Variants in MOXD1 observed in about 807,000 individuals in gnomAD.
MOXD1 encodes monooxygenase DBH like 1, also known as DBH-like monooxygenase protein 1.
Under a neutral mutation model 66.6 loss-of-function variants are expected in MOXD1, and 62 were observed. The observed-to-expected ratio is 0.93, with a 90% CI of 0.76 to 1.15. The LOEUF (loss-of-function observed/expected upper bound fraction) is 1.15, where lower values mean the gene tolerates loss of function less well. Ranked by LOEUF, MOXD1 falls within the 50% of genes most tolerant of loss-of-function variation. The pLI, the probability that MOXD1 is intolerant of heterozygous loss-of-function variation, is 0.00. For synonymous variants in MOXD1, 303 were observed against 281.9 expected (o/e 1.07, Z -0.75); for missense variants, 847 against 754.6 (o/e 1.12, Z -1.44).
At chr6:132,297,727 C>G (rs560072181) in intron 11 of MOXD1, 60 bp downstream of exon 11, 2 of 1,502,156 alleles carry the variant, frequency 1.3e-6, no homozygotes, top group East Asian at 4.7e-5. Context: ...CTTAGGTTTT[C>G]CTGTAATAGA....
intron 1 of MOXD1, among the ~76,000 whole-genome samples, chr6:132,380,202 C>T (rs1776481251): frequency 6.6e-6 from 1 of 152,214 alleles, no homozygotes; most frequent in African/African-American, 2.4e-5. Context: ...CATACTCTGT[C>T]ATAGTCTTCC....
intron 4 of MOXD1, among the ~76,000 whole-genome samples, chr6:132,360,381 T>C (rs1332893886): frequency 6.6e-6 from 1 of 152,198 alleles, no homozygotes; most frequent in Admixed American, 6.5e-5. Flanking sequence ...GGACTGACAA[T>C]CCCCAAATTG....
chr6:132,400,901 T>C (rs1272280097), intron 1 of MOXD1, among the ~76,000 whole-genome samples: 3 of 151,604 alleles, frequency 2.0e-5, no homozygotes, highest in Admixed American at 2.0e-4. Context: ...GTCTATTAAG[T>C]GGGGCGCTGG....
In MOXD1 at chr6:132,387,666, A is replaced by G. The variant is rs1269487670; in HGVS notation, c.265-12889T>C. On this transcript the variant is annotated intron_variant, in intron 1 of 11. Transcript: ENST00000367963. Reference sequence around the variant, plus strand: ...CTACTCCGGAGGCTGAGGCAGGAGAATCATTTTAACCTGGGGAACGGAGGT... The same window carrying G: ...CTACTCCGGAGGCTGAGGCAGGAGAGTCATTTTAACCTGGGGAACGGAGGT... 1.3e-5 allele frequency among the ~76,000 whole-genome samples: 2 copies of G among 149,156 alleles called. 1 individual carries two copies. The highest frequency in any genetic ancestry group is 4.9e-5 in the African/African-American group (2 of 40,796).
intron 1 of MOXD1, among the ~76,000 whole-genome samples, chr6:132,376,367 T>G (rs922105945): frequency 6.6e-5 from 10 of 152,206 alleles, no homozygotes; most frequent in African/African-American, 2.4e-4. Flanking sequence ...CTTTGTATGG[T>G]AATTATAAGT....
At chr6:132,375,876 A>C (rs1236384432) in intron 1 of MOXD1, among the ~76,000 whole-genome samples, 1 of 152,246 alleles carries the variant, frequency 6.6e-6, no homozygotes, top group Non-Finnish European at 1.5e-5. Context: ...ACATTACTAA[A>C]ATGGGGATAA....
At chr6:132,361,428 C>T (rs971866335) in intron 4 of MOXD1, among the ~76,000 whole-genome samples, 33 of 151,936 alleles carry the variant, frequency 2.2e-4, no homozygotes, top group Admixed American at 1.4e-3. Flanking sequence ...TTTCGATAGA[C>T]ATTCAATATG....
intron 4 of MOXD1, among the ~76,000 whole-genome samples, chr6:132,342,617 C>T (rs188824873): frequency 4.6e-5 from 7 of 152,276 alleles, no homozygotes; most frequent in South Asian, 2.1e-4. Flanking sequence ...CTTTGACATG[C>T]TATTGCATAC....
intron 6 of MOXD1, 29 bp from the exon 7 acceptor site, chr6:132,324,126 T>G: frequency 6.3e-7 from 1 of 1,586,404 alleles, no homozygotes; most frequent in Non-Finnish European, 8.6e-7. Context: ...ATTAAAGTGA[T>G]TTTTGGTTCT....
intron 9 of MOXD1, among the ~76,000 whole-genome samples, chr6:132,318,289 C>T (rs2114562548): frequency 6.6e-6 from 1 of 152,010 alleles, no homozygotes; most frequent in South Asian, 2.1e-4. Flanking sequence ...ATACTTTTCC[C>T]CAAGATGGTT....
intron 1 of MOXD1, among the ~76,000 whole-genome samples, chr6:132,384,975 T>A (rs1776596466): frequency 1.3e-5 from 2 of 152,176 alleles, no homozygotes; most frequent in African/African-American, 2.4e-5. Flanking sequence ...AGCCTGGCAG[T>A]GGTCCTGCAG....
In MOXD1 at chr6:132,315,473, A is replaced by T. The variant is rs76610298; in HGVS notation, c.1508+162T>A. Among the ~76,000 whole-genome samples the T allele has an allele frequency of 3.9e-5, 6 of 152,340 alleles. No homozygotes were observed. The East Asian group carries it at 1.2e-3, about 29-fold the overall frequency. ...GAGGGTGGTCTTGGGGACTCTGGACATAGTAATCAAAAAGGTTACTTGGTC... is the reference window on the plus strand; with the variant it reads ...GAGGGTGGTCTTGGGGACTCTGGACTTAGTAATCAAAAAGGTTACTTGGTC... On this transcript the variant is annotated intron_variant, in intron 10 of 11. Coordinates refer to ENST00000367963, the MANE Select transcript of MOXD1 (RefSeq NM_015529.4).
At chr6:132,328,192 C>A in intron 5 of MOXD1, 77 bp from the exon 6 acceptor site, 15 of 1,336,746 alleles carry the variant, frequency 1.1e-5, no homozygotes, top group Non-Finnish European at 1.6e-5. Context: ...AACCAGCCAT[C>A]TTCAAGGATA....
chr6:132,376,429 T>TA (rs1190689856), intron 1 of MOXD1, among the ~76,000 whole-genome samples: 1 of 151,902 alleles, frequency 6.6e-6, no homozygotes, highest in Non-Finnish European at 1.5e-5. Flanking sequence ...TTTAGTATGT[T>TA]AAAACCCCAA....
At chr6:132,324,755 A>G (rs1366362557) in intron 6 of MOXD1, among the ~76,000 whole-genome samples, 1 of 152,162 alleles carries the variant, frequency 6.6e-6, no homozygotes, top group Non-Finnish European at 1.5e-5. Flanking sequence ...AGCCCCAAAC[A>G]TTTCATAAAT....
Position 132,333,164 on chromosome 6 carries a change from G to C in MOXD1, c.664-4570C>G, listed in dbSNP as rs554079153. On this transcript the variant is annotated intron_variant, in intron 4 of 11. Transcript: ENST00000367963. Reference sequence around the variant, plus strand: ...ATCCTGGCTAACAAGGTGAAACCCCGTCTCTACTAAAAATACAAAAAATTA... The same window carrying C: ...ATCCTGGCTAACAAGGTGAAACCCCCTCTCTACTAAAAATACAAAAAATTA... 4.6e-5 allele frequency among the ~76,000 whole-genome samples: 7 copies of C among 151,912 alleles called. No homozygotes were observed. In the East Asian group the frequency reaches 1.4e-3, roughly 29 times the overall value.
chr6:132,340,820 G>A (rs931934813), intron 4 of MOXD1, among the ~76,000 whole-genome samples: 12 of 151,654 alleles, frequency 7.9e-5, no homozygotes, highest in Non-Finnish European at 1.8e-4. Flanking sequence ...CTAATTTTTT[G>A]TATTTTTAGT....
At chr6:132,330,015 A>AT (rs1775283277) in intron 4 of MOXD1, among the ~76,000 whole-genome samples, 1 of 152,214 alleles carries the variant, frequency 6.6e-6, no homozygotes, top group Non-Finnish European at 1.5e-5. Flanking sequence ...AGTTCCCTTC[A>AT]TAACACTTGC....
At chr6:132,328,355 A>G in intron 5 of MOXD1, 60 bp downstream of exon 5, 6 of 1,581,050 alleles carry the variant, frequency 3.8e-6, no homozygotes, top group Non-Finnish European at 4.3e-6. Context: ...TTAGAATCAT[A>G]TTTGTGGCGG....
Sources: allele counts gnomAD v4.1 joint callset (sites outside exome capture counted in the v4.1 genomes callset), GRCh38; gene constraint gnomAD v4.1.1; transcripts MANE v1.5; gene names NCBI Gene and HGNC (gene_info 2026-07-23, HGNC 2026-07-21).